ARMC10: variants seen among roughly 807,000 people sequenced by gnomAD.
The protein encoded by ARMC10 is armadillo repeat-containing protein 10.
ARMC10 carries 23 observed loss-of-function variants against 30.2 expected under a neutral mutation model. The observed-to-expected ratio is 0.76, with a 90% CI of 0.55 to 1.08. ARMC10 has a LOEUF of 1.08. ARMC10 is among the 50% of genes least tolerant of loss of function. The pLI, the probability that ARMC10 is intolerant of heterozygous loss-of-function variation, is 0.00. For synonymous variants in ARMC10, 111 were observed against 164.4 expected, an observed-to-expected ratio of 0.68 and a Z score of 2.48; for missense variants, 303 against 413.7, an observed-to-expected ratio of 0.73 and a Z score of 2.32.
chr7:103,085,761 C>CT (rs1800792134), intron 3 of ARMC10, among the ~76,000 whole-genome samples: 1 of 152,054 alleles, frequency 6.6e-6, no homozygotes, highest in Non-Finnish European at 1.5e-5. Context: ...ATTACAGGCA[C>CT]TGGCCACCAC....
At chr7:103,094,216 A>T (rs1801580668) in intron 5 of ARMC10, among the ~76,000 whole-genome samples, 1 of 152,174 alleles carries the variant, frequency 6.6e-6, no homozygotes, top group South Asian at 2.1e-4. Flanking sequence ...CCACTGATTG[A>T]TAACTTAATG....
At chr7:103,093,946 T>C (rs1046747762) in intron 5 of ARMC10, among the ~76,000 whole-genome samples, 2 of 152,260 alleles carry the variant, frequency 1.3e-5, no homozygotes, top group African/African-American at 2.4e-5. Flanking sequence ...CATTGCTTAG[T>C]ACAGTATTTC....
intron 5 of ARMC10, among the ~76,000 whole-genome samples, chr7:103,093,939 T>C (rs1430830270): frequency 6.6e-6 from 1 of 152,252 alleles, no homozygotes; most frequent in Admixed American, 6.5e-5. Flanking sequence ...TCCATTACAT[T>C]GCTTAGTACA....
chr7:103,081,335 A>T (rs1800359858), intron 2 of ARMC10, among the ~76,000 whole-genome samples: 2 of 152,274 alleles, frequency 1.3e-5, no homozygotes, highest in Non-Finnish European at 2.9e-5. Context: ...TTAAATGGCT[A>T]TTTATAAAGA....
intron 2 of ARMC10, chr7:103,081,838 C>A (rs1309756261): frequency 4.4e-6 from 2 of 456,088 alleles, no homozygotes; most frequent in Non-Finnish European, 8.8e-6. Context: ...GTGTAGGAAA[C>A]TCTGGAGCCA....
In ARMC10 at chr7:103,083,749, G is replaced by A. The variant is rs1342933133; in HGVS notation, c.312G>A (p.Leu104=). 6.2e-7 allele frequency: 1 copy of A among 1,613,688 alleles called. No homozygotes were observed. Among genetic ancestry groups the A allele is most frequent in the South Asian group, 1.1e-5 (1 of 91,064 alleles). The change falls in exon 3 of 7, where the codon CTG becomes CTA. Residue 104 remains leucine (L), a synonymous_variant. Transcript: ENST00000323716. ...NAEQLQKLLY[L]LESTEDPVII... ...AACAACTTCAGAAACTCCTTTACCTGCTGGAGTCAACGGAGGATCCTGTAA... is the reference window on the plus strand; with the variant it reads ...AACAACTTCAGAAACTCCTTTACCTACTGGAGTCAACGGAGGATCCTGTAA...
At chr7:103,096,084 A>T (rs947423999) in intron 5 of ARMC10, 9 of 151,914 alleles carry the variant, frequency 5.9e-5, no homozygotes, top group African/African-American at 2.2e-4. Flanking sequence ...TAAGAATAAT[A>T]ATTAATAAAT....
chr7:103,083,698 T>C lies in ARMC10; in HGVS notation c.261T>C (p.Gly87=). The C allele has an allele frequency of 6.2e-7, 1 of 1,612,294 alleles. No individual in the cohort carries two copies. Among genetic ancestry groups the C allele is most frequent in the Non-Finnish European group, 8.5e-7 (1 of 1,178,982 alleles). Reference sequence around the variant, plus strand: ...CTTATGCAGAAGACTTAACTGATGGTTCATATGATGATGTTCTAAATGCTG... The same window carrying C: ...CTTATGCAGAAGACTTAACTGATGGCTCATATGATGATGTTCTAAATGCTG... ...KTSQPEDLTD[G]SYDDVLNAEQ... Residue 87 remains glycine, a synonymous_variant, in exon 3 of 7, where the codon GGT becomes GGC. Transcript: ENST00000323716.
chr7:103,090,171 T>C (rs1801188229), intron 4 of ARMC10, among the ~76,000 whole-genome samples: 1 of 152,174 alleles, frequency 6.6e-6, no homozygotes, highest in Non-Finnish European at 1.5e-5. Context: ...CATTTGGTAA[T>C]CTTGTTATTA....
chr7:103,089,218 C>G, intron 4 of ARMC10: 1 of 251,482 alleles, frequency 4.0e-6, no homozygotes, highest in Non-Finnish European at 8.8e-6. Context: ...CATACAGACA[C>G]TGTGAATCAG....
chr7:103,090,750 T>A (rs1203780864), intron 4 of ARMC10, among the ~76,000 whole-genome samples: 1 of 138,380 alleles, frequency 7.2e-6, no homozygotes, highest in African/African-American at 3.5e-5. Flanking sequence ...AAAAATTTAT[T>A]AGCTGGGCAT....
intron 2 of ARMC10, among the ~76,000 whole-genome samples, chr7:103,080,150 A>G (rs1177638302): frequency 6.6e-6 from 1 of 152,252 alleles, no homozygotes; most frequent in Non-Finnish European, 1.5e-5. Flanking sequence ...TAGCAGTCCA[A>G]AAACTCACCA....
chr7:103,098,900 A>AAATC lies in ARMC10; in HGVS notation c.*349_*352dup, dbSNP rs974752095. The AAATC allele has an allele frequency of 3.7e-5, 5 of 133,436 alleles. No individual in the cohort carries two copies. Among genetic ancestry groups the AAATC allele is most frequent in the African/African-American group, 1.3e-4 (5 of 37,966 alleles). 8.3% of individuals were successfully genotyped at this position (133,436 alleles called of 1,614,324 possible). Reference sequence around the variant, plus strand: ...TCTGAGACAGCATCAGTATTTGACTAAATCATTGTTTCACAACTGAATAGT... The same window carrying AAATC: ...TCTGAGACAGCATCAGTATTTGACTAAATCAATCATTGTTTCACAACTGAATAGT... On this transcript the variant is annotated 3_prime_UTR_variant, in exon 7 of 7. Transcript: ENST00000323716.
chr7:103,091,151 G>A (rs904391867), intron 4 of ARMC10, among the ~76,000 whole-genome samples: 6 of 152,030 alleles, frequency 3.9e-5, no homozygotes, highest in Admixed American at 6.6e-5. Context: ...TGGCCAGGCC[G>A]GACATGGTGG....
intron 2 of ARMC10, chr7:103,083,162 T>C: frequency 4.4e-6 from 2 of 456,644 alleles, no homozygotes; most frequent in South Asian, 3.1e-5. Flanking sequence ...AGTGTCTTAC[T>C]AACAGCCATA....
chr7:103,076,397 A>G (rs759181363), intron 2 of ARMC10, among the ~76,000 whole-genome samples: 18 of 152,224 alleles, frequency 1.2e-4, no homozygotes, highest in Non-Finnish European at 4.4e-5. Context: ...TGCCCAGGCT[A>G]AAAACTCACA....
At chr7:103,075,545 C>G in intron 1 of ARMC10, 134 bp downstream of exon 1, 1 of 1,066,204 alleles carries the variant, frequency 9.4e-7, no homozygotes, top group Non-Finnish European at 1.2e-6. Flanking sequence ...TGTGTGAGTG[C>G]AGGGTGCTGC....
intron 4 of ARMC10, 150 bp downstream of exon 4, chr7:103,086,914 G>T: frequency 1.3e-6 from 2 of 1,512,900 alleles, no homozygotes; most frequent in Non-Finnish European, 8.8e-7. Context: ...AGAAGAGGGA[G>T]GGACCTGAAC....
intron 4 of ARMC10, among the ~76,000 whole-genome samples, chr7:103,087,303 CTT>C (rs927413105): frequency 3.3e-5 from 5 of 152,298 alleles, no homozygotes; most frequent in South Asian, 4.1e-4. Flanking sequence ...ATTAAACTGA[CTT>C]TTACAGAATA....
Sources: gnomAD v4.1 joint callset for allele counts (sites outside exome capture counted in the v4.1 genomes callset) on GRCh38, gnomAD v4.1.1 for gene constraint, MANE v1.5 for transcripts, NCBI Gene and HGNC (gene_info 2026-07-23, HGNC 2026-07-21) for gene names.